BRINP3: variants seen among roughly 807,000 people sequenced by gnomAD.
BRINP3 encodes the protein BMP/retinoic acid-inducible neural-specific protein 3.
Under a neutral mutation model 71.0 loss-of-function variants are expected in BRINP3, and 19 were observed. The observed-to-expected ratio is 0.27, with a 90% CI of 0.19 to 0.39. The LOEUF (loss-of-function observed/expected upper bound fraction) is 0.39, where lower values mean the gene tolerates loss of function less well. Among genes scored for constraint, BRINP3 ranks in the 10% least tolerant of loss-of-function variants. BRINP3 has a pLI of 1.00. For missense variants in BRINP3, 959 were observed against 940.8 expected, an observed-to-expected ratio of 1.02 and a Z score of -0.25; for synonymous variants, 380 against 337.7, an observed-to-expected ratio of 1.13 and a Z score of -1.37.
At chr1:190,197,717 T>C (rs895755833) in intron 6 of BRINP3, among the ~76,000 whole-genome samples, 2 of 152,060 alleles carry the variant, frequency 1.3e-5, no homozygotes, top group African/African-American at 4.8e-5. Context: ...CTTTGCAGGG[T>C]ACAGCCCTCC....
At chr1:190,408,993 C>T (rs1672483999) in intron 2 of BRINP3, among the ~76,000 whole-genome samples, 1 of 152,150 alleles carries the variant, frequency 6.6e-6, no homozygotes, top group Non-Finnish European at 1.5e-5. Flanking sequence ...GGAGTTGTTG[C>T]TAGTAGCATC....
At chr1:190,176,081 C>T (rs991989456) in intron 6 of BRINP3, among the ~76,000 whole-genome samples, 4 of 152,104 alleles carry the variant, frequency 2.6e-5, no homozygotes, top group African/African-American at 7.2e-5. Context: ...GAACTTAACA[C>T]GTTGCACCAT....
intron 6 of BRINP3, among the ~76,000 whole-genome samples, chr1:190,208,657 G>C (rs1265632071): frequency 6.6e-6 from 1 of 151,482 alleles, no homozygotes; most frequent in Non-Finnish European, 1.5e-5. Flanking sequence ...ACCATGCCCA[G>C]CTAATTTTTG....
At chr1:190,123,671 T>G (rs1653864045) in intron 7 of BRINP3, among the ~76,000 whole-genome samples, 1 of 152,196 alleles carries the variant, frequency 6.6e-6, no homozygotes, top group Non-Finnish European at 1.5e-5. Context: ...GAATATTGAT[T>G]GTTTTCTAAA....
In BRINP3 at chr1:190,166,311, G is replaced by A. The variant is rs536804457; in HGVS notation, c.962-5421C>T. 2.6e-5 allele frequency among the ~76,000 whole-genome samples: 4 copies of A among 152,186 alleles called. No individual in the cohort carries two copies. The South Asian group carries it at 6.2e-4, about 24-fold the overall frequency. ...GTAGCTGCCAGAAATAAGGTATGCTGTTTCTCACTATTTTATTTTTCTCTG... is the reference window on the plus strand; with the variant it reads ...GTAGCTGCCAGAAATAAGGTATGCTATTTCTCACTATTTTATTTTTCTCTG... On this transcript the variant is annotated intron_variant, in intron 6 of 7. Coordinates refer to ENST00000367462, the MANE Select transcript of BRINP3 (RefSeq NM_199051.3).
chr1:190,207,349 G>A (rs1326846060), intron 6 of BRINP3, among the ~76,000 whole-genome samples: 1 of 152,084 alleles, frequency 6.6e-6, no homozygotes, highest in Non-Finnish European at 1.5e-5. Flanking sequence ...TGCTTGTTCA[G>A]AGTTCACACA....
At chr1:190,375,381 TCTAA>T (rs1670119135) in intron 2 of BRINP3, among the ~76,000 whole-genome samples, 1 of 151,922 alleles carries the variant, frequency 6.6e-6, no homozygotes, top group South Asian at 2.1e-4. Flanking sequence ...AAAAGAGCAC[TCTAA>T]CTATGCTTCA....
chr1:190,407,691 T>C (rs1672373662), intron 2 of BRINP3, among the ~76,000 whole-genome samples: 1 of 152,208 alleles, frequency 6.6e-6, no homozygotes, highest in African/African-American at 2.4e-5. Flanking sequence ...ATAATGTATG[T>C]AATGTTTTAA....
At chr1:190,398,654 T>C (rs546012262) in intron 2 of BRINP3, among the ~76,000 whole-genome samples, 99 of 152,170 alleles carry the variant, frequency 6.5e-4, no homozygotes, top group Middle Eastern at 6.8e-3. Context: ...TATAAAACTA[T>C]AACATAGCTC....
In BRINP3 at chr1:190,301,179, A is replaced by ATG. The variant is rs1375101034; in HGVS notation, c.237-19430_237-19429insCA. 4.1e-4 allele frequency among the ~76,000 whole-genome samples: 7 copies of ATG among 17,006 alleles called. 1 individual carries two copies. Among genetic ancestry groups the ATG allele is most frequent in the African/African-American group, 1.1e-3 (7 of 6,410 alleles). 11.2% of individuals were successfully genotyped at this position (17,006 alleles called of 152,430 possible). On this transcript the variant is annotated intron_variant, in intron 2 of 7. Coordinates refer to ENST00000367462, the MANE Select transcript of BRINP3 (RefSeq NM_199051.3). ...CATATATATATACATATATATACAT[A>ATG]TATATATGTATATATATACACATAC...
chr1:190,339,010 A>C (rs1461189679), intron 2 of BRINP3, among the ~76,000 whole-genome samples: 1 of 55,426 alleles, frequency 1.8e-5, no homozygotes, highest in East Asian at 5.4e-4. Flanking sequence ...AATGCAAAAT[A>C]AATAAATAAA....
intron 7 of BRINP3, among the ~76,000 whole-genome samples, chr1:190,126,745 C>T (rs1654116478): frequency 6.6e-6 from 1 of 151,864 alleles, no homozygotes; most frequent in African/African-American, 2.4e-5. Context: ...TGTTAACCTG[C>T]TTATTTCCTT....
At chr1:190,410,308 G>A (rs1171026) in intron 2 of BRINP3, among the ~76,000 whole-genome samples, 150,623 of 152,218 alleles carry the variant, frequency 0.99, 74,543 homozygotes, top group Middle Eastern at 1. Flanking sequence ...TCAACTAGAT[G>A]AATATTATTG....
chr1:190,419,085 A>G lies in BRINP3; in HGVS notation c.236+35570T>C, dbSNP rs549911449. 2.0e-5 allele frequency among the ~76,000 whole-genome samples: 3 copies of G among 152,238 alleles called. No individual in the cohort carries two copies. The South Asian group carries it at 6.2e-4, about 32-fold the overall frequency. On this transcript the variant is annotated intron_variant, in intron 2 of 7. Transcript: ENST00000367462. ...AAGCTGGAGGTCATTTAACTTGTCT[A>G]ACAAAGCAAGCAAATCTTAAAATTA... is the stretch of plus-strand genomic sequence containing the variant.
intron 2 of BRINP3, among the ~76,000 whole-genome samples, chr1:190,334,470 T>C (rs1667160934): frequency 6.6e-6 from 1 of 151,866 alleles, no homozygotes; most frequent in South Asian, 2.1e-4. Context: ...GGTTTTGTTG[T>C]ATTTTATATA....
intron 2 of BRINP3, among the ~76,000 whole-genome samples, chr1:190,345,715 G>GAAA (rs10664849): frequency 0.11 from 11,765 of 103,426 alleles, 937 homozygotes; most frequent in Middle Eastern, 0.22. Flanking sequence ...TTTACCTTCA[G>GAAA]AAAAAAAAAA....
chr1:190,347,262 T>C (rs962165329), intron 2 of BRINP3, among the ~76,000 whole-genome samples: 1 of 152,172 alleles, frequency 6.6e-6, no homozygotes, highest in East Asian at 1.9e-4. Context: ...TGCCTCAGCC[T>C]CCCCAGTAGC....
intron 6 of BRINP3, among the ~76,000 whole-genome samples, chr1:190,209,924 C>A (rs1655841698): frequency 6.6e-6 from 1 of 152,056 alleles, no homozygotes; most frequent in Admixed American, 6.6e-5. Flanking sequence ...AAAAATAGTA[C>A]ATTTCTTTGA....
chr1:190,413,868 T>C (rs764552155), intron 2 of BRINP3, among the ~76,000 whole-genome samples: 17 of 152,286 alleles, frequency 1.1e-4, no homozygotes, highest in Non-Finnish European at 1.9e-4. Flanking sequence ...TTATAAATAA[T>C]TTATGTTCAA....
Sources: allele counts gnomAD v4.1 joint callset (sites outside exome capture counted in the v4.1 genomes callset), GRCh38; gene constraint gnomAD v4.1.1; transcripts MANE v1.5; gene names NCBI Gene and HGNC (gene_info 2026-07-23, HGNC 2026-07-21).